Variants in TRPC4 observed in about 807,000 individuals in gnomAD.
The protein encoded by TRPC4 is transient receptor potential cation channel subfamily C member 4, also known as short transient receptor potential channel 4.
In TRPC4, 49 loss-of-function variants were observed where a neutral mutation model predicts 99.4. That is an observed-to-expected ratio of 0.49 (90% CI 0.39 to 0.63). The LOEUF is 0.63. Ranked by LOEUF, TRPC4 falls within the 20% of genes least tolerant of loss-of-function variation. The pLI is 0.00. For synonymous variants in TRPC4, 454 were observed against 425.9 expected (o/e 1.07, Z -0.81); for missense variants, 898 against 1,152.9 (o/e 0.78, Z 3.20).
intron 2 of TRPC4, among the ~76,000 whole-genome samples, chr13:37,767,473 G>A (rs897664710): frequency 6.6e-6 from 1 of 151,184 alleles, no homozygotes; most frequent in Non-Finnish European, 1.5e-5. Context: ...AAAGAAGACT[G>A]CATGCTATAC....
chr13:37,786,865 T>C (rs1326327922), intron 1 of TRPC4, among the ~76,000 whole-genome samples: 1 of 152,102 alleles, frequency 6.6e-6, no homozygotes, highest in Non-Finnish European at 1.5e-5. Flanking sequence ...ACTTCTGAGA[T>C]GTTATTTTTT....
chr13:37,634,466 T>C lies in TRPC4; in HGVS notation c.*2437A>G, dbSNP rs184444556. 2.4e-3 allele frequency among the ~76,000 whole-genome samples: 372 copies of C among 152,204 alleles called. No individual in the cohort carries two copies. Among genetic ancestry groups the C allele is most frequent in the Non-Finnish European group, 3.8e-3 (260 of 67,992 alleles). Reference sequence around the variant, plus strand: ...GTTAGAATCATCCTTTCTAGGGCACTGAAAAGGAGGGTCTTACTTGCTCCA... The same window carrying C: ...GTTAGAATCATCCTTTCTAGGGCACCGAAAAGGAGGGTCTTACTTGCTCCA... On this transcript the variant is annotated 3_prime_UTR_variant, in exon 11 of 11. Transcript: ENST00000379705.
chr13:37,770,120 T>C (rs991578127), intron 2 of TRPC4, among the ~76,000 whole-genome samples: 2 of 151,548 alleles, frequency 1.3e-5, no homozygotes, highest in African/African-American at 4.8e-5. Flanking sequence ...TATTTTTTCC[T>C]GTTTCATAAA....
intron 3 of TRPC4, among the ~76,000 whole-genome samples, chr13:37,728,012 T>G (rs994449670): frequency 2.0e-5 from 3 of 151,986 alleles, no homozygotes; most frequent in African/African-American, 7.2e-5. Flanking sequence ...ATAAAAACAC[T>G]CAGCAAATTA....
intron 5 of TRPC4, among the ~76,000 whole-genome samples, chr13:37,668,554 G>C (rs1952727721): frequency 6.6e-6 from 1 of 152,166 alleles, no homozygotes; most frequent in Non-Finnish European, 1.5e-5. Flanking sequence ...ATGAGAGGAT[G>C]AGATGAGTTG....
chr13:37,672,410 A>G (rs1464479517), intron 5 of TRPC4, among the ~76,000 whole-genome samples: 19 of 152,180 alleles, frequency 1.2e-4, no homozygotes, highest in Admixed American at 1.2e-3. Flanking sequence ...CCTTAGGTCA[A>G]CTGTATCAGT....
At chr13:37,767,591 T>A (rs1956413329) in intron 2 of TRPC4, among the ~76,000 whole-genome samples, 1 of 151,284 alleles carries the variant, frequency 6.6e-6, no homozygotes, top group East Asian at 2.0e-4. Flanking sequence ...GAAAAATATA[T>A]ATATTCCCAC....
chr13:37,760,915 T>A (rs1370406844), intron 2 of TRPC4, among the ~76,000 whole-genome samples: 2 of 151,940 alleles, frequency 1.3e-5, no homozygotes, highest in Non-Finnish European at 2.9e-5. Flanking sequence ...CATTTGAAAT[T>A]GCACAGACTA....
chr13:37,760,701 A>T (rs376797740), intron 2 of TRPC4, among the ~76,000 whole-genome samples: 1 of 151,946 alleles, frequency 6.6e-6, no homozygotes, highest in South Asian at 2.1e-4. Context: ...CTAAAACATT[A>T]TGAGATTTTT....
chr13:37,689,019 T>TTA (rs1265454455), intron 4 of TRPC4, among the ~76,000 whole-genome samples: 2 of 152,130 alleles, frequency 1.3e-5, no homozygotes, highest in African/African-American at 2.4e-5. Context: ...CTGTGCATTT[T>TTA]TATATATATT....
chr13:37,652,727 C>CATTGTTGAAG (rs1353475573), intron 7 of TRPC4, among the ~76,000 whole-genome samples: 2 of 152,284 alleles, frequency 1.3e-5, no homozygotes, highest in African/African-American at 2.4e-5. Flanking sequence ...TGGGACTCAG[C>CATTGTTGAAG]AGATTTGGCT....
intron 5 of TRPC4, among the ~76,000 whole-genome samples, chr13:37,667,304 T>C (rs963102434): frequency 6.6e-6 from 1 of 152,170 alleles, no homozygotes; most frequent in African/African-American, 2.4e-5. Context: ...TCTATGTATC[T>C]CCTCAGGAAT....
intron 3 of TRPC4, among the ~76,000 whole-genome samples, chr13:37,717,370 T>A (rs1019210889): frequency 1.3e-5 from 2 of 152,188 alleles, no homozygotes; most frequent in Non-Finnish European, 2.9e-5. Context: ...GGAATGGACA[T>A]AGGTTGTATT....
At chr13:37,784,149 T>C (rs1002913679) in intron 1 of TRPC4, among the ~76,000 whole-genome samples, 1 of 152,148 alleles carries the variant, frequency 6.6e-6, no homozygotes, top group African/African-American at 2.4e-5. Context: ...AGACATGTAC[T>C]GAGAATATTA....
Position 37,634,653 on chromosome 13 carries a change from G to A in TRPC4, c.*2250C>T, listed in dbSNP as rs1951466252. Among the ~76,000 whole-genome samples, 1 of 152,026 alleles carries A rather than the reference G, an allele frequency of 6.6e-6. No individual in the cohort carries two copies. Among genetic ancestry groups the A allele is most frequent in the African/African-American group, 2.4e-5 (1 of 41,424 alleles). On this transcript the variant is annotated 3_prime_UTR_variant, in exon 11 of 11. Coordinates refer to ENST00000379705, the MANE Select transcript of TRPC4 (RefSeq NM_016179.4). ...TTGAAATTAAATTCTGGTAAAGTAT[G>A]TAAAATGGTTATGTATAGTGTCCTT...
chr13:37,838,230 C>T (rs1958623287), intron 1 of TRPC4, among the ~76,000 whole-genome samples: 2 of 152,264 alleles, frequency 1.3e-5, no homozygotes, highest in Admixed American at 1.3e-4. Flanking sequence ...AATAGAGAAC[C>T]ATTGATCTGA....
intron 1 of TRPC4, among the ~76,000 whole-genome samples, chr13:37,793,218 T>C (rs1566175529): frequency 6.6e-6 from 1 of 152,172 alleles, no homozygotes; most frequent in African/African-American, 2.4e-5. Flanking sequence ...TCTATCCTTT[T>C]GATGGAGAAG....
At chr13:37,657,801 TA>T (rs1288324755) in intron 6 of TRPC4, among the ~76,000 whole-genome samples, 1 of 152,274 alleles carries the variant, frequency 6.6e-6, no homozygotes, top group Admixed American at 6.5e-5. Flanking sequence ...TATTGATGTT[TA>T]AAAAAATTTA....
intron 6 of TRPC4, among the ~76,000 whole-genome samples, chr13:37,656,282 C>T (rs1008848601): frequency 2.0e-5 from 3 of 151,968 alleles, no homozygotes; most frequent in Non-Finnish European, 4.4e-5. Flanking sequence ...CTTGGTAAAT[C>T]GTTAAAATGA....
Sources: gnomAD v4.1 joint callset for allele counts (sites outside exome capture counted in the v4.1 genomes callset) on GRCh38, gnomAD v4.1.1 for gene constraint, MANE v1.5 for transcripts, NCBI Gene and HGNC (gene_info 2026-07-23, HGNC 2026-07-21) for gene names.